Variants in EFL1 observed in about 807,000 individuals in gnomAD.
EFL1 encodes elongation factor-like GTPase 1.
In EFL1, 76 loss-of-function variants were observed where a neutral mutation model predicts 126.7. The ratio of observed to expected loss-of-function variants is 0.60; its 90% CI spans 0.50 to 0.73. EFL1 has a LOEUF of 0.73. EFL1 is among the 30% of genes least tolerant of loss of function. The pLI, the probability that EFL1 is intolerant of heterozygous loss-of-function variation, is 0.00. For missense variants in EFL1, 1,128 were observed against 1,343.2 expected, an observed-to-expected ratio of 0.84 and a Z score of 2.50; for synonymous variants, 410 against 448.4, an observed-to-expected ratio of 0.91 and a Z score of 1.08.
intron 15 of EFL1, among the ~76,000 whole-genome samples, chr15:82,168,394 A>G (rs2074100177): frequency 6.6e-6 from 1 of 152,174 alleles, no homozygotes; most frequent in Non-Finnish European, 1.5e-5. Context: ...CATTAAATCA[A>G]CTGCCCTTTA....
chr15:82,201,966 C>T (rs1272253327), intron 15 of EFL1, among the ~76,000 whole-genome samples: 1 of 151,368 alleles, frequency 6.6e-6, no homozygotes, highest in African/African-American at 2.4e-5. Context: ...AGTCACACTC[C>T]AACCCGAATC....
intron 14 of EFL1, among the ~76,000 whole-genome samples, chr15:82,217,796 C>T (rs149761282): frequency 9.9e-5 from 15 of 152,190 alleles, no homozygotes; most frequent in African/African-American, 3.4e-4. Flanking sequence ...CGGAATATGG[C>T]AAAAGTGATG....
At chr15:82,136,449 T>C (rs988815223) in intron 19 of EFL1, among the ~76,000 whole-genome samples, 5 of 152,240 alleles carry the variant, frequency 3.3e-5, no homozygotes, top group African/African-American at 9.6e-5. Context: ...GTAACGCCAA[T>C]GAAGAAAGCA....
chr15:82,238,575 G>A lies in EFL1; in HGVS notation c.517-54C>T, dbSNP rs1383311969. On this transcript the variant is annotated intron_variant, in intron 6 of 19. Transcript: ENST00000268206. ...TCATTCAGATGCTCAGCATGCTCAC[G>A]GCAGGAGAAACACTGTTTAACCTGT... The A allele has an allele frequency of 4.7e-5, 67 of 1,438,654 alleles. No homozygotes were observed. In the Middle Eastern group the frequency reaches 5.2e-4, roughly 11 times the overall value. The allele number at this position is 1,438,654 out of a possible 1,614,324, so 89.1% of individuals were successfully genotyped here.
chr15:82,215,075 C>T (rs1484733168), intron 14 of EFL1, among the ~76,000 whole-genome samples: 2 of 152,108 alleles, frequency 1.3e-5, no homozygotes, highest in Non-Finnish European at 2.9e-5. Flanking sequence ...TGTCTAGATT[C>T]CCATTTAATC....
intron 12 of EFL1, among the ~76,000 whole-genome samples, chr15:82,222,422 T>G (rs1168098151): frequency 6.6e-6 from 1 of 152,262 alleles, no homozygotes; most frequent in Non-Finnish European, 1.5e-5. Context: ...TGTCATCTTA[T>G]GTAAATGTGA....
intron 3 of EFL1, among the ~76,000 whole-genome samples, chr15:82,256,144 G>A (rs1217109467): frequency 2.0e-5 from 3 of 152,114 alleles, no homozygotes; most frequent in Admixed American, 1.3e-4. Context: ...ATGGCGTCTT[G>A]TGCTATCCAC....
chr15:82,221,862 C>T (rs906350442), intron 12 of EFL1, among the ~76,000 whole-genome samples: 15 of 152,170 alleles, frequency 9.9e-5, no homozygotes, highest in South Asian at 2.1e-4. Flanking sequence ...TTCTCTCCTC[C>T]GGAGCAACAT....
At chr15:82,150,949 T>C (rs538377245) in intron 18 of EFL1, among the ~76,000 whole-genome samples, 1 of 152,326 alleles carries the variant, frequency 6.6e-6, no homozygotes, top group South Asian at 2.1e-4. Context: ...ATTCTATTTG[T>C]TGCAAAAGAA....
At chr15:82,203,747 C>T (rs1218528189) in intron 15 of EFL1, among the ~76,000 whole-genome samples, 1 of 152,206 alleles carries the variant, frequency 6.6e-6, no homozygotes, top group Non-Finnish European at 1.5e-5. Context: ...ATTTGTGAGA[C>T]TGACTGAAGT....
At chr15:82,256,637 C>A (rs551504430) in intron 3 of EFL1, among the ~76,000 whole-genome samples, 65 of 152,196 alleles carry the variant, frequency 4.3e-4, no homozygotes, top group Non-Finnish European at 7.6e-4. Context: ...TTATAAATAT[C>A]CCACATCAGA....
intron 4 of EFL1, among the ~76,000 whole-genome samples, chr15:82,249,840 G>C (rs1355353040): frequency 6.6e-6 from 1 of 152,028 alleles, no homozygotes; most frequent in African/African-American, 2.4e-5. Context: ...TGACCTTGAT[G>C]GTTTTCAACA....
At chr15:82,231,794 G>A (rs1014063733) in intron 7 of EFL1, among the ~76,000 whole-genome samples, 14 of 152,138 alleles carry the variant, frequency 9.2e-5, no homozygotes, top group Admixed American at 5.9e-4. Context: ...TTGTTCACAC[G>A]TGACTCTTTA....
intron 3 of EFL1, among the ~76,000 whole-genome samples, chr15:82,254,289 A>G (rs1160531725): frequency 1.3e-5 from 2 of 152,098 alleles, no homozygotes; most frequent in Non-Finnish European, 2.9e-5. Flanking sequence ...CTTAGATCCC[A>G]CTGCTGGTTT....
At chr15:82,215,916 G>C (rs564213628) in intron 14 of EFL1, among the ~76,000 whole-genome samples, 2 of 152,246 alleles carry the variant, frequency 1.3e-5, no homozygotes, top group South Asian at 2.1e-4. Flanking sequence ...AGATGGGCTG[G>C]AGAGATAGAA....
At chr15:82,159,382 G>T (rs937541106) in intron 16 of EFL1, among the ~76,000 whole-genome samples, 5 of 151,196 alleles carry the variant, frequency 3.3e-5, no homozygotes, top group Admixed American at 6.6e-5. Context: ...ACCAAGATGA[G>T]ATCCCAACAA....
At chr15:82,239,993 T>G (rs1206384864) in intron 6 of EFL1, among the ~76,000 whole-genome samples, 1 of 152,224 alleles carries the variant, frequency 6.6e-6, no homozygotes, top group Non-Finnish European at 1.5e-5. Context: ...GACCTGTTCA[T>G]CTTATATTCA....
chr15:82,190,727 G>T (rs1024142095), intron 15 of EFL1, among the ~76,000 whole-genome samples: 19 of 152,134 alleles, frequency 1.2e-4, no homozygotes, highest in African/African-American at 4.6e-4. Flanking sequence ...CAGGTCTTGA[G>T]TAAACTAAGT....
chr15:82,215,137 C>T (rs1357426475), intron 14 of EFL1, among the ~76,000 whole-genome samples: 2 of 152,196 alleles, frequency 1.3e-5, no homozygotes, highest in African/African-American at 4.8e-5. Context: ...GGTATTGTCA[C>T]TTTAGCTGAT....
Sources: allele counts gnomAD v4.1 joint callset (sites outside exome capture counted in the v4.1 genomes callset), GRCh38; gene constraint gnomAD v4.1.1; transcripts MANE v1.5; gene names NCBI Gene and HGNC (gene_info 2026-07-23, HGNC 2026-07-21).